UBR4: variants seen among roughly 807,000 people sequenced by gnomAD.
UBR4 encodes the protein ubiquitin protein ligase E3 component n-recognin 4.
UBR4 carries 124 observed loss-of-function variants against 575.6 expected under a neutral mutation model. That is an observed-to-expected ratio of 0.22 (90% confidence interval 0.19 to 0.25). UBR4 has a LOEUF of 0.25. Among genes scored for constraint, UBR4 ranks in the 10% least tolerant of loss-of-function variants. The pLI is 1.00. For missense variants in UBR4, 4,818 were observed against 6,478.8 expected, an observed-to-expected ratio of 0.74 and a Z score of 8.80; for synonymous variants, 2,455 against 2,473.7, an observed-to-expected ratio of 0.99 and a Z score of 0.22.
chr1:19,144,810 G>C lies in UBR4; in HGVS notation c.8043C>G (p.Ile2681Met), dbSNP rs1368454004. 6.2e-7 allele frequency: 1 copy of C among 1,614,156 alleles called. No homozygotes were observed. Among genetic ancestry groups the C allele is most frequent in the African/African-American group, 1.3e-5 (1 of 75,060 alleles). ...CAGGACACAAGAGCATCTGCATGTA[G>C]ATCTTGGATGCTGTGTTAATACAAT... ...ELDCINTASKIYMQMLLCPDP... is the reference protein window; with the variant it reads ...ELDCINTASKMYMQMLLCPDP... Residue 2681 changes from isoleucine to methionine, a missense_variant, in exon 54 of 106, where the codon ATC (isoleucine) becomes ATG (methionine). Ile to Met is a conservative substitution (Grantham distance 10). Coordinates refer to ENST00000375254, the MANE Select transcript of UBR4 (RefSeq NM_020765.3).
chr1:19,180,564 G>A, intron 17 of UBR4, among the ~76,000 whole-genome samples: 1 of 148,174 alleles, frequency 6.7e-6, no homozygotes, highest in Non-Finnish European at 1.5e-5. Context: ...AAACCTACCT[G>A]AGCTACATGA....
chr1:19,123,897 G>A (rs1557680871), intron 65 of UBR4, among the ~76,000 whole-genome samples: 1 of 152,182 alleles, frequency 6.6e-6, no homozygotes, highest in East Asian at 1.9e-4. Context: ...GCCCAGTGAT[G>A]CTGAGGCCAG....
rs1465205427 is a variant in UBR4 at position 19,089,022 on chromosome 1, A to T, written c.14212-45T>A. The T allele has an allele frequency of 6.3e-7, 1 of 1,591,914 alleles. No individual in the cohort carries two copies. Among genetic ancestry groups the T allele is most frequent in the African/African-American group, 1.3e-5 (1 of 74,382 alleles). On this transcript the variant is annotated intron_variant, in intron 97 of 105. Transcript: ENST00000375254. This position sits in a 1 kb window ranked among gnomAD's most constrained non-coding sequence, Gnocchi z 4.3. Reference sequence around the variant, plus strand: ...GAGACACATGCCTCCAATTATGTAGACAAACCTTCTTCCCGGGAGCTTAAA... The same window carrying T: ...GAGACACATGCCTCCAATTATGTAGTCAAACCTTCTTCCCGGGAGCTTAAA...
intron 64 of UBR4, 144 bp from the exon 65 acceptor site, chr1:19,124,834 G>C: frequency 9.2e-7 from 1 of 1,092,290 alleles, no homozygotes. Context: ...CTGACTGACA[G>C]TTTATTCTAT....
chr1:19,149,780 G>A (rs1326246912), intron 49 of UBR4: 2 of 1,300,668 alleles, frequency 1.5e-6, no homozygotes, highest in South Asian at 1.2e-5. Context: ...GCTTGGTTAG[G>A]GACTCAGTTT....
chr1:19,176,126 C>T (rs1488591164), intron 20 of UBR4, among the ~76,000 whole-genome samples: 1 of 147,030 alleles, frequency 6.8e-6, no homozygotes, highest in African/African-American at 2.5e-5. Context: ...TCTTGTTCTG[C>T]TGCCCAGGCT....
At chr1:19,102,459 T>C (rs2149097264) in intron 87 of UBR4, among the ~76,000 whole-genome samples, 1 of 150,856 alleles carries the variant, frequency 6.6e-6, no homozygotes, top group East Asian at 1.9e-4. Flanking sequence ...ACCAGCTCAG[T>C]ATGGCACGAT....
intron 47 of UBR4, 90 bp from the exon 48 acceptor site, chr1:19,151,949 T>C: frequency 1.7e-6 from 2 of 1,199,726 alleles, no homozygotes; most frequent in Admixed American, 2.9e-5. Context: ...TCTCAACATG[T>C]GAAGCTCATT....
At chr1:19,104,372 G>T in intron 86 of UBR4, 115 bp from the exon 87 acceptor site, 2 of 1,338,550 alleles carry the variant, frequency 1.5e-6, no homozygotes, top group Non-Finnish European at 2.0e-6. Context: ...CTTTGTGCAT[G>T]GCACAGAGCA....
chr1:19,136,524 A>G (rs950952622), intron 60 of UBR4, among the ~76,000 whole-genome samples: 3 of 152,186 alleles, frequency 2.0e-5, no homozygotes, highest in Non-Finnish European at 4.4e-5. Flanking sequence ...GAGTTGGAGG[A>G]AAAAAGGAAA....
chr1:19,155,403 A>T (rs1374366333), intron 43 of UBR4, 38 bp downstream of exon 43: 1 of 1,569,072 alleles, frequency 6.4e-7, no homozygotes, highest in Admixed American at 1.9e-5. Context: ...TAAATAATTA[A>T]ATCCGGAATA....
At position 19,161,810 on chromosome 1, in the gene UBR4, G is replaced by A. The variant is rs951725564; in HGVS notation, c.5027+17C>T. ...GTGCCCAGCAAATCTTCACCTTAAA[G>A]GAAGAACTACCCTTACCAATGCTGG... is the stretch of plus-strand genomic sequence containing the variant. On this transcript the variant is annotated intron_variant, in intron 36 of 105. Transcript: ENST00000375254. 3 of 1,614,170 alleles carry A rather than the reference G, an allele frequency of 1.9e-6. No homozygotes were observed. The highest frequency in any genetic ancestry group is 2.5e-6 in the Non-Finnish European group (3 of 1,180,018).
intron 55 of UBR4, among the ~76,000 whole-genome samples, chr1:19,141,995 C>A (rs189543333): frequency 2.6e-5 from 4 of 152,302 alleles, no homozygotes; most frequent in South Asian, 2.1e-4. Context: ...GCTTGCCCCC[C>A]ACAAAAATAA....
chr1:19,132,782 G>A (rs2082698883), intron 60 of UBR4, among the ~76,000 whole-genome samples: 1 of 151,688 alleles, frequency 6.6e-6, no homozygotes, highest in African/African-American at 2.4e-5. Flanking sequence ...ATGAAAAAAA[G>A]CAAATCACTA....
chr1:19,181,791 T>C (rs1390982711), intron 17 of UBR4, among the ~76,000 whole-genome samples: 2 of 152,222 alleles, frequency 1.3e-5, no homozygotes, highest in African/African-American at 2.4e-5. Flanking sequence ...ACTTTTCTTA[T>C]GTGGTAAAGT....
intron 14 of UBR4, among the ~76,000 whole-genome samples, chr1:19,186,079 T>C (rs1376535535): frequency 5.9e-5 from 9 of 152,138 alleles, no homozygotes; most frequent in African/African-American, 2.2e-4. Flanking sequence ...ATTCATTCTC[T>C]CATCAAACTA....
At chr1:19,148,763 T>C (rs990085347) in intron 49 of UBR4, 137 bp from the exon 50 acceptor site, 1 of 869,406 alleles carries the variant, frequency 1.2e-6, no homozygotes, top group Non-Finnish European at 1.8e-6. Flanking sequence ...CAATAAGACC[T>C]GCCACAGGCA....
rs117238121 is a variant in UBR4 at position 19,175,255 on chromosome 1, C to G, written c.2774-222G>C. 5.1e-3 allele frequency among the ~76,000 whole-genome samples: 768 copies of G among 150,552 alleles called. 20 individuals are homozygous for G. In the East Asian group the frequency reaches 0.067, roughly 13 times the overall value. On this transcript the variant is annotated intron_variant, in intron 20 of 105. Transcript: ENST00000375254. ...ACCCCCTGAATGCCAGTAGCACCCC[C>G]AGTTGTGACAACCAAAAATATCTAG...
At chr1:19,187,577 A>C (rs1272042491) in intron 11 of UBR4, 37 bp from the exon 12 acceptor site, 1 of 1,594,198 alleles carries the variant, frequency 6.3e-7, no homozygotes, top group Admixed American at 1.7e-5. Context: ...TCCTTAAAAT[A>C]ATTAACAATA....
Sources: gnomAD v4.1 joint callset for allele counts (sites outside exome capture counted in the v4.1 genomes callset) on GRCh38, gnomAD v4.1.1 for gene constraint, Gnocchi (gnomAD v3.1) non-coding constraint, MANE v1.5 for transcripts, NCBI Gene and HGNC (gene_info 2026-07-23, HGNC 2026-07-21) for gene names.